FRY: variants seen among roughly 807,000 people sequenced by gnomAD.
The protein encoded by FRY is protein furry homolog.
FRY carries 128 observed loss-of-function variants against 348.4 expected under a neutral mutation model. The observed-to-expected ratio is 0.37, with a 90% CI of 0.32 to 0.43. FRY has a LOEUF of 0.43. Ranked by LOEUF, FRY falls within the 20% of genes least tolerant of loss-of-function variation. The pLI, the probability that FRY is intolerant of heterozygous loss-of-function variation, is 1.00. For synonymous variants in FRY, 1,370 were observed against 1,374.7 expected (o/e 1.00, Z 0.08); for missense variants, 2,736 against 3,695.2 (o/e 0.74, Z 6.73).
intron 36 of FRY, among the ~76,000 whole-genome samples, chr13:32,221,079 G>A (rs905140888): frequency 2.6e-5 from 4 of 152,192 alleles, no homozygotes; most frequent in Non-Finnish European, 4.4e-5. Context: ...CCTGAGGGAA[G>A]TCCTGACCTT....
chr13:32,157,231 A>C (rs1410221366), intron 15 of FRY, 42 bp from the exon 16 acceptor site: 1 of 1,571,724 alleles, frequency 6.4e-7, no homozygotes, highest in Non-Finnish European at 8.7e-7. Context: ...ATATCCTTTG[A>C]TAGATTCAGT....
At chr13:32,223,674 T>A (rs1266680424) in intron 36 of FRY, among the ~76,000 whole-genome samples, 1 of 152,168 alleles carries the variant, frequency 6.6e-6, no homozygotes, top group Non-Finnish European at 1.5e-5. Flanking sequence ...TAGTCCTAGC[T>A]ACTTGGGAGG....
At chr13:32,147,504 G>T (rs1006022081) in intron 12 of FRY, 119 bp downstream of exon 12, 2 of 724,922 alleles carry the variant, frequency 2.8e-6, no homozygotes, top group Non-Finnish European at 5.0e-6. Context: ...GTTTCTAAAA[G>T]ATCTAAGTCC....
chr13:32,121,674 A>G lies in FRY; in HGVS notation c.465-2612A>G, dbSNP rs1878664011. 2.0e-5 allele frequency among the ~76,000 whole-genome samples: 3 copies of G among 152,138 alleles called. No homozygotes were observed. The South Asian group carries it at 6.2e-4, about 31-fold the overall frequency. On this transcript the variant is annotated intron_variant, in intron 4 of 60. Transcript: ENST00000542859. ...TTGGCATTCATTTTAGATTCTAGAT[A>G]TTAGTCCTTTGTCAGATGTATAGAT...
chr13:32,243,987 C>T lies in FRY; in HGVS notation c.6688-55C>T, dbSNP rs1364065553. On this transcript the variant is annotated intron_variant, in intron 46 of 60. Coordinates refer to ENST00000542859, the MANE Select transcript of FRY (RefSeq NM_023037.3). ...CTAAATGTGTTGGAAAACACGGGTCCTTCCATACGGAGATCTGGTGTGTGA... is the reference window on the plus strand; with the variant it reads ...CTAAATGTGTTGGAAAACACGGGTCTTTCCATACGGAGATCTGGTGTGTGA... 2.0e-5 allele frequency: 32 copies of T among 1,594,208 alleles called. No homozygotes were observed. In the South Asian group the frequency reaches 2.3e-4, roughly 12 times the overall value.
chr13:32,221,478 T>C (rs1418344257), intron 36 of FRY, among the ~76,000 whole-genome samples: 3 of 152,206 alleles, frequency 2.0e-5, no homozygotes, highest in Non-Finnish European at 4.4e-5. Flanking sequence ...TGATAAGAAA[T>C]AAACATGGAA....
At chr13:32,186,881 A>G (rs1883057317) in intron 27 of FRY, among the ~76,000 whole-genome samples, 1 of 152,142 alleles carries the variant, frequency 6.6e-6, no homozygotes, top group African/African-American at 2.4e-5. Flanking sequence ...CAGCTCTGTC[A>G]TACAGAACAT....
chr13:32,063,644 T>G (rs1404343058), intron 1 of FRY, among the ~76,000 whole-genome samples: 1 of 152,190 alleles, frequency 6.6e-6, no homozygotes, highest in Admixed American at 6.6e-5. Flanking sequence ...ATCAGGCTGG[T>G]CGGCACCCAC....
chr13:32,259,994 G>A (rs780721258), intron 51 of FRY, among the ~76,000 whole-genome samples: 4 of 152,136 alleles, frequency 2.6e-5, no homozygotes, highest in Non-Finnish European at 5.9e-5. Context: ...GATGAATAAT[G>A]ATGATTTCTA....
chr13:32,234,979 A>G (rs1258269575), intron 42 of FRY, among the ~76,000 whole-genome samples: 1 of 152,208 alleles, frequency 6.6e-6, no homozygotes, highest in Non-Finnish European at 1.5e-5. Flanking sequence ...CTTTTATATA[A>G]GCCAACAACT....
Position 32,175,614 on chromosome 13 carries a change from T to C in FRY, c.2403T>C (p.His801=). Reference sequence around the variant, plus strand: ...CTTCCATTCTAGAAAGTTTTATTCATGTAGCAGTTTCGGATTCAGTAAGTA... The same window carrying C: ...CTTCCATTCTAGAAAGTTTTATTCACGTAGCAGTTTCGGATTCAGTAAGTA... The part of the protein sequence containing the change: ...LSSSILESFI[H]VAVSDSATLP... Residue 801 remains histidine, a synonymous_variant, in exon 20 of 61, where the codon CAT becomes CAC. Transcript: ENST00000542859. The C allele has an allele frequency of 6.2e-7, 1 of 1,600,488 alleles. No homozygotes were observed. Among genetic ancestry groups the C allele is most frequent in the Non-Finnish European group, 8.6e-7 (1 of 1,167,558 alleles).
chr13:32,260,884 A>T (rs1246030034), intron 51 of FRY, among the ~76,000 whole-genome samples: 1 of 152,220 alleles, frequency 6.6e-6, no homozygotes, highest in Non-Finnish European at 1.5e-5. Flanking sequence ...TAATCCCAGC[A>T]CTTTGGGAGG....
At position 32,155,536 on chromosome 13, in the gene FRY, T is replaced by C; in HGVS notation, c.1525T>C (p.Leu509=). 6.2e-7 allele frequency: 1 copy of C among 1,613,586 alleles called. No individual in the cohort carries two copies. The highest frequency in any genetic ancestry group is 8.5e-7 in the Non-Finnish European group (1 of 1,179,530). The change falls in exon 15 of 61, where the codon TTG becomes CTG. Residue 509 remains leucine (L), a synonymous_variant. Transcript: ENST00000542859. ...LRAFLVIADS[L]QQKDGEPPMP... ...GGCATTCTTGGTCATAGCTGATAGCTTGCAGCAGAAAGATGGGGAACCTCC... is the reference window on the plus strand; with the variant it reads ...GGCATTCTTGGTCATAGCTGATAGCCTGCAGCAGAAAGATGGGGAACCTCC...
intron 41 of FRY, among the ~76,000 whole-genome samples, chr13:32,233,894 G>A (rs1157301776): frequency 6.6e-6 from 1 of 152,266 alleles, no homozygotes; most frequent in South Asian, 2.1e-4. Flanking sequence ...TCCTTTCCCA[G>A]AGTTAGAAAG....
intron 11 of FRY, among the ~76,000 whole-genome samples, chr13:32,146,933 A>G (rs910966798): frequency 6.6e-6 from 1 of 152,222 alleles, no homozygotes; most frequent in African/African-American, 2.4e-5. Flanking sequence ...GACATAATCA[A>G]CAATAAAAAG....
chr13:32,263,852 C>CA (rs1369472664), intron 53 of FRY, among the ~76,000 whole-genome samples: 1 of 152,026 alleles, frequency 6.6e-6, no homozygotes, highest in Admixed American at 6.6e-5. Context: ...ACTAAAAACA[C>CA]AAAAAAATTA....
intron 3 of FRY, among the ~76,000 whole-genome samples, chr13:32,104,059 T>C (rs1007242510): frequency 7.2e-5 from 11 of 152,228 alleles, no homozygotes; most frequent in African/African-American, 2.4e-4. Flanking sequence ...ATCACTGTCC[T>C]TTCTTCAAAA....
chr13:32,056,193 A>AG (rs1873614293), intron 1 of FRY, among the ~76,000 whole-genome samples: 1 of 151,602 alleles, frequency 6.6e-6, no homozygotes, highest in South Asian at 2.1e-4. Context: ...CCATCTAAAA[A>AG]AAAAAAAAAA....
intron 1 of FRY, among the ~76,000 whole-genome samples, chr13:32,076,733 A>G (rs1181359384): frequency 6.6e-6 from 1 of 152,170 alleles, no homozygotes; most frequent in African/African-American, 2.4e-5. Flanking sequence ...AGATTTATTG[A>G]GTATTATCTG....
Sources: gnomAD v4.1 joint callset for allele counts (sites outside exome capture counted in the v4.1 genomes callset) on GRCh38, gnomAD v4.1.1 for gene constraint, MANE v1.5 for transcripts, NCBI Gene and HGNC (gene_info 2026-07-23, HGNC 2026-07-21) for gene names.